The following GDPD4 variants were observed in gnomAD, a reference collection of about 807,000 sequenced individuals.
GDPD4 encodes glycerophosphodiester phosphodiesterase 6.
Under a neutral mutation model 67.8 loss-of-function variants are expected in GDPD4, and 60 were observed. The observed-to-expected ratio is 0.88, with a 90% confidence interval of 0.72 to 1.10. The LOEUF (loss-of-function observed/expected upper bound fraction) is 1.10, where lower values mean the gene tolerates loss of function less well. Ranked by LOEUF, GDPD4 falls within the 50% of genes least tolerant of loss-of-function variation. The probability of loss-of-function intolerance (pLI) is 0.00; values close to 1 mark genes in which losing one functional copy is unlikely to be tolerated. For missense variants in GDPD4, 623 were observed against 613.9 expected (o/e 1.01, Z -0.16); for synonymous variants, 212 against 210.9 (o/e 1.00, Z -0.04).
rs748008884 is a variant in GDPD4, at chr11:77,243,875, A to G, written c.1087-27T>C. ...TCTAAGGAGAAACAAGAAGTCCCTC[A>G]GTAGATAATCAGCTATCCAGGTACG... On this transcript the variant is annotated intron_variant, in intron 12 of 16. Transcript: ENST00000315938. The G allele has an allele frequency of 6.9e-6, 11 of 1,587,342 alleles. No individual in the cohort carries two copies. The African/African-American group carries it at 1.2e-4, about 17-fold the overall frequency.
chr11:77,299,163 C>T (rs1938079311), intron 1 of GDPD4, among the ~76,000 whole-genome samples: 3 of 152,174 alleles, frequency 2.0e-5, no homozygotes, highest in Admixed American at 2.0e-4. Flanking sequence ...GTAGCAGTTG[C>T]TAGGCAACAC....
chr11:77,268,620 G>T, intron 9 of GDPD4, 81 bp from the exon 10 acceptor site: 2 of 1,137,926 alleles, frequency 1.8e-6, no homozygotes, highest in Non-Finnish European at 2.6e-6. Context: ...GTAGAGCCCA[G>T]TAGGATTTTG....
At chr11:77,243,279 C>A (rs1958708681) in intron 13 of GDPD4, among the ~76,000 whole-genome samples, 1 of 152,058 alleles carries the variant, frequency 6.6e-6, no homozygotes, top group Non-Finnish European at 1.5e-5. Flanking sequence ...ATTATCCGTT[C>A]CAGAAATATG....
chr11:77,293,733 C>T (rs560752830), intron 1 of GDPD4, among the ~76,000 whole-genome samples: 17 of 152,198 alleles, frequency 1.1e-4, no homozygotes, highest in African/African-American at 2.9e-4. Context: ...AATAGAATGG[C>T]GAATATTATG....
intron 13 of GDPD4, among the ~76,000 whole-genome samples, chr11:77,236,551 G>A (rs576899015): frequency 6.6e-6 from 1 of 152,116 alleles, no homozygotes; most frequent in East Asian, 1.9e-4. Flanking sequence ...GACTTATTAA[G>A]CAAACACAAA....
At chr11:77,284,266 T>G (rs1959888639) in intron 3 of GDPD4, among the ~76,000 whole-genome samples, 1 of 152,176 alleles carries the variant, frequency 6.6e-6, no homozygotes, top group Admixed American at 6.5e-5. Context: ...GTTTAAAAAT[T>G]TTGTTAAAAT....
intron 14 of GDPD4, among the ~76,000 whole-genome samples, chr11:77,232,747 AGAT>A (rs1304423760): frequency 4.5e-4 from 68 of 152,362 alleles, no homozygotes; most frequent in African/African-American, 1.5e-3. Context: ...TTCCTCATGA[AGAT>A]GATAACAGTG....
In GDPD4 at chr11:77,268,934, C is replaced by T; in HGVS notation, c.614G>A (p.Gly205Asp). The T allele has an allele frequency of 6.2e-7, 1 of 1,614,022 alleles. No individual in the cohort carries two copies. Among genetic ancestry groups the T allele is most frequent in the Non-Finnish European group, 8.5e-7 (1 of 1,179,946 alleles). The change falls in exon 9 of 17, where the codon GGT becomes GAT. Residue 205 changes from glycine to aspartate, a missense_variant. By Grantham distance (94) the Gly-to-Asp change is moderately conservative (BLOSUM62 -1). Transcript: ENST00000315938. ...CATGCTCAGACCTACCATGGGTGCA[C>T]CTCTATGTCCAAAGATGGTTGGCTT... is the stretch of plus-strand genomic sequence containing the variant. ...GPKPTIFGHRGAPMLGPENTM... is the reference protein window; with the variant it reads ...GPKPTIFGHRDAPMLGPENTM...
chr11:77,252,974 A>G (rs535691158), intron 11 of GDPD4, among the ~76,000 whole-genome samples: 2 of 152,308 alleles, frequency 1.3e-5, no homozygotes, highest in East Asian at 1.9e-4. Flanking sequence ...ACGGCCTACA[A>G]TCAACTGCCA....
intron 10 of GDPD4, among the ~76,000 whole-genome samples, chr11:77,261,965 G>A (rs1381572096): frequency 6.6e-6 from 1 of 152,202 alleles, no homozygotes; most frequent in Non-Finnish European, 1.5e-5. Context: ...AGTGGTATCT[G>A]CGCAATAGCT....
Position 77,249,174 on chromosome 11 carries a change from G to T in GDPD4, c.865-3672C>A, listed in dbSNP as rs545246987. On this transcript the variant is annotated intron_variant, in intron 11 of 16. Transcript: ENST00000315938. Reference sequence around the variant, plus strand: ...CCAGCTACTCGAGAGGCTGAGGCAGGAGAATCGCTTGAAGCCGGGAAGCAG... The same window carrying T: ...CCAGCTACTCGAGAGGCTGAGGCAGTAGAATCGCTTGAAGCCGGGAAGCAG... Among the ~76,000 whole-genome samples, 502 of 149,732 alleles carry T rather than the reference G, an allele frequency of 3.4e-3. 5 individuals are homozygous for T. Among genetic ancestry groups the T allele is most frequent in the African/African-American group, 0.011 (467 of 40,786 alleles).
rs1180506195 is a variant in GDPD4, at chr11:77,263,976, T to C, written c.707+4481A>G. 3.3e-5 allele frequency among the ~76,000 whole-genome samples: 5 copies of C among 152,298 alleles called. No individual in the cohort carries two copies. The South Asian group carries it at 1.0e-3, about 32-fold the overall frequency. On this transcript the variant is annotated intron_variant, in intron 10 of 16. Coordinates refer to ENST00000315938, the MANE Select transcript of GDPD4 (RefSeq NM_182833.3). ...AGCTTCCATGGACTTCCAGTGACTG[T>C]TGGCAAGATTTCTCCTATTGGTCCA...
chr11:77,295,287 C>T (rs1937917571), intron 1 of GDPD4, among the ~76,000 whole-genome samples: 1 of 151,638 alleles, frequency 6.6e-6, no homozygotes, highest in East Asian at 1.9e-4. Flanking sequence ...CACACCCAGC[C>T]CACAACTTTG....
intron 14 of GDPD4, among the ~76,000 whole-genome samples, chr11:77,230,638 A>G (rs996877950): frequency 3.9e-5 from 6 of 152,236 alleles, no homozygotes; most frequent in Non-Finnish European, 5.9e-5. Context: ...CAGCAGAAAT[A>G]TCCTCAAAGA....
intron 13 of GDPD4, among the ~76,000 whole-genome samples, chr11:77,237,354 G>A (rs1228887730): frequency 1.3e-5 from 2 of 152,166 alleles, no homozygotes; most frequent in Non-Finnish European, 2.9e-5. Context: ...ATATGTGAAT[G>A]TTTGATCTGC....
intron 16 of GDPD4, among the ~76,000 whole-genome samples, chr11:77,223,469 AGTTTGCTGGAGGTCCACTCCAGACCCT>A (rs753116428): frequency 1.3e-4 from 19 of 151,720 alleles, no homozygotes; most frequent in Non-Finnish European, 2.6e-4. Flanking sequence ...CTATTGGGGG[AGTTTGCTGGAGGTCCACTCCAGACCCT>A]GTTTGCCTGG....
chr11:77,241,889 G>C (rs1958673087), intron 13 of GDPD4, among the ~76,000 whole-genome samples: 1 of 151,702 alleles, frequency 6.6e-6, no homozygotes, highest in Non-Finnish European at 1.5e-5. Flanking sequence ...GCCAAGATTG[G>C]GCCTTTGCAC....
rs150904559 is a variant in GDPD4, at chr11:77,264,529, T to C, written c.707+3928A>G. On this transcript the variant is annotated intron_variant, in intron 10 of 16. Transcript: ENST00000315938. ...AGAAAATCAGGAGAGTATGGTATTC[T>C]AATAGCCAAATAAAGAAAGTCTTTC... Among the ~76,000 whole-genome samples, 307 of 152,250 alleles carry C rather than the reference T, an allele frequency of 2.0e-3. 7 individuals carry two copies. The highest frequency in any genetic ancestry group is 0.018 in the Admixed American group (274 of 15,280).
chr11:77,230,622 C>T (rs146170590), intron 14 of GDPD4, among the ~76,000 whole-genome samples: 2,434 of 152,268 alleles, frequency 0.016, 23 homozygotes, highest in African/African-American at 0.025. Flanking sequence ...GAACATAGAA[C>T]TCGATCAGCA....
Sources: allele counts gnomAD v4.1 joint callset (sites outside exome capture counted in the v4.1 genomes callset), GRCh38; gene constraint gnomAD v4.1.1; transcripts MANE v1.5; gene names NCBI Gene and HGNC (gene_info 2026-07-23, HGNC 2026-07-21).